MARCHF1: variants seen among roughly 807,000 people sequenced by gnomAD.
The protein encoded by MARCHF1 is membrane associated ring-CH-type finger 1.
MARCHF1 carries 40 observed loss-of-function variants against 54.2 expected under a neutral mutation model. The observed-to-expected ratio is 0.74, with a 90% CI of 0.57 to 0.96. MARCHF1 has a LOEUF of 0.96. Ranked by LOEUF, MARCHF1 falls within the 40% of genes least tolerant of loss-of-function variation. The probability of loss-of-function intolerance (pLI) is 0.00; values close to 1 mark genes in which losing one functional copy is unlikely to be tolerated. For missense variants in MARCHF1, 586 were observed against 656.5 expected (o/e 0.89, Z 1.17); for synonymous variants, 236 against 236.3 (o/e 1.00, Z 0.01).
chr4:163,894,030 A>G (rs1216896089), intron 3 of MARCHF1, among the ~76,000 whole-genome samples: 1 of 152,194 alleles, frequency 6.6e-6, no homozygotes, highest in East Asian at 1.9e-4. Flanking sequence ...ACCTCAATTA[A>G]GTTGTTTATC....
chr4:164,031,479 GCT>G (rs1358724007), intron 2 of MARCHF1, among the ~76,000 whole-genome samples: 1 of 151,260 alleles, frequency 6.6e-6, no homozygotes, highest in Non-Finnish European at 1.5e-5. Context: ...TTCATAAATA[GCT>G]CTTATTATTT....
chr4:163,751,331 C>A (rs1467991919), intron 4 of MARCHF1, among the ~76,000 whole-genome samples: 1 of 151,962 alleles, frequency 6.6e-6, no homozygotes, highest in Non-Finnish European at 1.5e-5. Context: ...CTGTGCTAGG[C>A]TTTATTACCA....
rs1180110829 is a variant in MARCHF1, at chr4:163,894,620, C to CATATATAT, written c.-38-40452_-38-40451insATATATAT. Among the ~76,000 whole-genome samples the CATATATAT allele has an allele frequency of 1.1e-4, 15 of 134,914 alleles. 2 individuals carry two copies. Among genetic ancestry groups the CATATATAT allele is most frequent in the East Asian group, 4.5e-4 (2 of 4,482 alleles). 88.5% of individuals were successfully genotyped at this position (134,914 alleles called of 152,430 possible). On this transcript the variant is annotated intron_variant, in intron 3 of 9. Transcript: ENST00000514618. ...TGCATGTGATGCATATATATATATG[C>CATATATAT]ATGTGATGCATATATATATATGCAT...
At chr4:164,296,820 A>G (rs1295273936) in intron 1 of MARCHF1, among the ~76,000 whole-genome samples, 2 of 152,190 alleles carry the variant, frequency 1.3e-5, no homozygotes, top group African/African-American at 4.8e-5. Context: ...TGGCCCAAAC[A>G]TGCACCTTTT....
At chr4:164,266,098 G>A (rs1733604287) in intron 1 of MARCHF1, among the ~76,000 whole-genome samples, 1 of 152,128 alleles carries the variant, frequency 6.6e-6, no homozygotes, top group Non-Finnish European at 1.5e-5. Flanking sequence ...CTAAATAAAT[G>A]AACAAGTGAA....
intron 1 of MARCHF1, among the ~76,000 whole-genome samples, chr4:164,142,758 A>G (rs185500066): frequency 2.0e-5 from 3 of 152,236 alleles, no homozygotes; most frequent in Non-Finnish European, 4.4e-5. Context: ...TCTAAAAAGG[A>G]GAGCAACTCT....
At chr4:163,899,693 A>T (rs1750895128) in intron 3 of MARCHF1, among the ~76,000 whole-genome samples, 1 of 151,752 alleles carries the variant, frequency 6.6e-6, no homozygotes, top group South Asian at 2.1e-4. Context: ...GTATCTTGAC[A>T]TCTCCATTGG....
chr4:164,010,131 A>G (rs995300520), intron 2 of MARCHF1, among the ~76,000 whole-genome samples: 1 of 143,978 alleles, frequency 6.9e-6, no homozygotes, highest in African/African-American at 2.6e-5. Context: ...CAGTGGCGCA[A>G]TCTCGGCTCA....
intron 8 of MARCHF1, chr4:163,584,936 G>A (rs944459831): frequency 1.3e-5 from 2 of 152,208 alleles, no homozygotes; most frequent in Non-Finnish European, 2.9e-5. Context: ...TAAGGCTACA[G>A]TTAGGCAAAA....
chr4:163,625,294 A>G (rs1286791908), intron 5 of MARCHF1, among the ~76,000 whole-genome samples: 1 of 152,114 alleles, frequency 6.6e-6, no homozygotes, highest in African/African-American at 2.4e-5. Context: ...TCTAGCATTT[A>G]TTTTATCACC....
intron 3 of MARCHF1, among the ~76,000 whole-genome samples, chr4:163,891,669 T>C (rs1750664188): frequency 6.6e-6 from 1 of 152,170 alleles, no homozygotes; most frequent in South Asian, 2.1e-4. Context: ...TCTTTCCCCC[T>C]GAATTGAGCA....
intron 4 of MARCHF1, among the ~76,000 whole-genome samples, chr4:163,847,939 T>C (rs1749533752): frequency 6.6e-6 from 1 of 152,174 alleles, no homozygotes; most frequent in South Asian, 2.1e-4. Context: ...ATAATGCGTG[T>C]TGTGTATAAA....
chr4:164,191,396 G>A (rs1731119639), intron 1 of MARCHF1, among the ~76,000 whole-genome samples: 1 of 152,096 alleles, frequency 6.6e-6, no homozygotes, highest in Non-Finnish European at 1.5e-5. Context: ...CATTAATTTA[G>A]TGTGTCATCA....
intron 1 of MARCHF1, among the ~76,000 whole-genome samples, chr4:164,242,818 C>G (rs1217861024): frequency 1.3e-5 from 2 of 151,716 alleles, no homozygotes; most frequent in Admixed American, 1.3e-4. Flanking sequence ...GGCTCGAGAA[C>G]TACGTGAAGA....
chr4:164,114,525 G>A (rs1755901118), intron 1 of MARCHF1, among the ~76,000 whole-genome samples: 1 of 151,478 alleles, frequency 6.6e-6, no homozygotes, highest in Non-Finnish European at 1.5e-5. Flanking sequence ...TTAATATTTA[G>A]TGCAGAAATT....
intron 1 of MARCHF1, among the ~76,000 whole-genome samples, chr4:164,175,928 AT>A (rs1195129578): frequency 6.6e-6 from 1 of 152,104 alleles, no homozygotes; most frequent in Non-Finnish European, 1.5e-5. Flanking sequence ...TCTTTTCTAA[AT>A]TGTTTCTATT....
intron 9 of MARCHF1, 49 bp downstream of exon 9, chr4:163,545,547 A>G: frequency 6.3e-7 from 1 of 1,577,014 alleles, no homozygotes; most frequent in Admixed American, 1.8e-5. Context: ...TCCACCTCTG[A>G]GTATTGTCTT....
chr4:164,206,121 A>G (rs1228143088), intron 1 of MARCHF1, among the ~76,000 whole-genome samples: 1 of 152,168 alleles, frequency 6.6e-6, no homozygotes, highest in Non-Finnish European at 1.5e-5. Context: ...ATCTTTGTTA[A>G]AAAGTGAAAA....
At chr4:163,592,060 C>G (rs1207906189) in intron 7 of MARCHF1, among the ~76,000 whole-genome samples, 1 of 152,080 alleles carries the variant, frequency 6.6e-6, no homozygotes, top group African/African-American at 2.4e-5. Flanking sequence ...TCTAAGGTTT[C>G]CTTAACAGAA....
Sources: gnomAD v4.1 joint callset for allele counts (sites outside exome capture counted in the v4.1 genomes callset) on GRCh38, gnomAD v4.1.1 for gene constraint, MANE v1.5 for transcripts, NCBI Gene and HGNC (gene_info 2026-07-23, HGNC 2026-07-21) for gene names.